The following MBP variants were observed in gnomAD, a reference collection of about 807,000 sequenced individuals.
MBP encodes the protein myelin basic protein, also known as Golli-MBP.
A neutral mutation model predicts 35.8 loss-of-function variants in MBP; 16 were observed. The observed-to-expected ratio is 0.45, with a 90% CI of 0.30 to 0.68. The LOEUF (loss-of-function observed/expected upper bound fraction) is 0.68, where lower values mean the gene tolerates loss of function less well. MBP is among the 30% of genes least tolerant of loss of function. MBP has a pLI of 0.08. For synonymous variants in MBP, 143 were observed against 159.6 expected, an observed-to-expected ratio of 0.90 and a Z score of 0.78; for missense variants, 380 against 404.7, an observed-to-expected ratio of 0.94 and a Z score of 0.52.
chr18:77,062,709 G>A (rs556075903), intron 3 of MBP, among the ~76,000 whole-genome samples: 2 of 152,288 alleles, frequency 1.3e-5, no homozygotes, highest in East Asian at 3.9e-4. Flanking sequence ...TTAGTTGTCT[G>A]TTTGTGGTTT....
In MBP at chr18:77,057,882, A is replaced by G. The variant is rs1312868496; in HGVS notation, c.139+8416T>C. ...CGCTCTGTTGCCCAGGCTGGAGTGC[A>G]GTGGTGCGATCTCGGCTCACTGCAA... On this transcript the variant is annotated intron_variant, in intron 3 of 8. Coordinates refer to ENST00000355994, the MANE Select transcript of MBP (RefSeq NM_001025101.2). 9.0e-4 allele frequency among the ~76,000 whole-genome samples: 9 copies of G among 10,032 alleles called. 2 individuals are homozygous for G. The South Asian group carries it at 0.039, about 44-fold the overall frequency. The allele number at this position is 10,032 out of a possible 152,430, so 6.6% of individuals were successfully genotyped here.
chr18:77,089,878 A>G (rs951289890), intron 2 of MBP, among the ~76,000 whole-genome samples: 1 of 152,184 alleles, frequency 6.6e-6, no homozygotes, highest in African/African-American at 2.4e-5. Flanking sequence ...CATGCATTCC[A>G]AAACCCAAGG....
intron 2 of MBP, among the ~76,000 whole-genome samples, chr18:77,080,774 C>T (rs1599203396): frequency 6.6e-6 from 1 of 152,294 alleles, no homozygotes; most frequent in Non-Finnish European, 1.5e-5. Flanking sequence ...ACCTCTGCCT[C>T]CTGGGTTCGA....
chr18:76,982,950 A>C (rs1169446293), intron 8 of MBP: 1 of 152,260 alleles, frequency 6.6e-6, no homozygotes, highest in Non-Finnish European at 1.5e-5. Flanking sequence ...GAAAATACTG[A>C]ACTTATTTCA....
chr18:77,054,656 C>G (rs181438275), intron 3 of MBP, among the ~76,000 whole-genome samples: 10 of 152,364 alleles, frequency 6.6e-5, no homozygotes, highest in Admixed American at 5.2e-4. Context: ...GCCATCAGTG[C>G]TCTCAGCAAA....
At chr18:77,120,433 C>T (rs574154923) in intron 1 of MBP, among the ~76,000 whole-genome samples, 4 of 152,290 alleles carry the variant, frequency 2.6e-5, no homozygotes, top group South Asian at 4.1e-4. Context: ...AAGACCTCAG[C>T]GTGGGGTGTT....
At position 77,101,550 on chromosome 18, in the gene MBP, T is replaced by A. The variant is rs1976009604; in HGVS notation, c.51+3661A>T. ...GCGGAGTGCTTCTGCCTGAATCTGA[T>A]GTCTCCTGTTCTGACCCTCAACTGG... is the stretch of plus-strand genomic sequence containing the variant. On this transcript the variant is annotated intron_variant, in intron 2 of 8. Coordinates refer to ENST00000355994, the MANE Select transcript of MBP (RefSeq NM_001025101.2). This position sits in a 1 kb window ranked among gnomAD's most constrained non-coding sequence, Gnocchi z 4.3. Among the ~76,000 whole-genome samples, 2 of 150,364 alleles carry A rather than the reference T, an allele frequency of 1.3e-5. No individual in the cohort carries two copies. Among genetic ancestry groups the A allele is most frequent in the Admixed American group, 1.3e-4 (2 of 14,936 alleles).
In MBP at chr18:77,024,194, T is replaced by C. The variant is rs115458981; in HGVS notation, c.140-6926A>G. Among the ~76,000 whole-genome samples, 1,125 of 152,372 alleles carry C rather than the reference T, an allele frequency of 7.4e-3. 12 individuals are homozygous for C. Among genetic ancestry groups the C allele is most frequent in the African/African-American group, 0.025 (1,020 of 41,590 alleles). ...GGCCGCATGCAGCCCAGGATGCCTT[T>C]GAACGCAGCCCAATACAAATTCATA... On this transcript the variant is annotated intron_variant, in intron 3 of 8. Transcript: ENST00000355994.
rs1272826002 is a variant in MBP at position 77,057,923 on chromosome 18, T to TTCA, written c.139+8372_139+8374dup. Among the ~76,000 whole-genome samples, 11 of 16,642 alleles carry TTCA rather than the reference T, an allele frequency of 6.6e-4. 2 individuals carry two copies. Among genetic ancestry groups the TTCA allele is most frequent in the Non-Finnish European group, 1.0e-3 (11 of 10,914 alleles). 10.9% of individuals were successfully genotyped at this position (16,642 alleles called of 152,430 possible). A position where few individuals can be genotyped will look rare whatever the true frequency, so the allele number is the denominator to read the frequency against. ...CTCACTGCAAGCTCCGCCTCCCGGG[T>TTCA]TCACGCCATTCTCCTGCCTCAGCCT... On this transcript the variant is annotated intron_variant, in intron 3 of 8. Transcript: ENST00000355994.
chr18:76,995,743 A>G (rs1459028039), intron 4 of MBP, among the ~76,000 whole-genome samples: 1 of 152,220 alleles, frequency 6.6e-6, no homozygotes, highest in Non-Finnish European at 1.5e-5. Flanking sequence ...TTTTAGAAGC[A>G]GCCATAGGAG....
At chr18:77,028,927 C>T (rs1242633130) in intron 3 of MBP, among the ~76,000 whole-genome samples, 6 of 90,824 alleles carry the variant, frequency 6.6e-5, no homozygotes, top group South Asian at 4.1e-4. Context: ...CCTCACTTTC[C>T]AGACTGGGCA....
At chr18:77,018,463 C>T (rs1020541325) in intron 3 of MBP, among the ~76,000 whole-genome samples, 5 of 130,924 alleles carry the variant, frequency 3.8e-5, no homozygotes, top group Non-Finnish European at 7.8e-5. Context: ...TTCATCCATT[C>T]GTCATCCATC....
At chr18:76,986,985 TG>T (rs1419287030) in intron 7 of MBP, 2 of 985,308 alleles carry the variant, frequency 2.0e-6, no homozygotes, top group Non-Finnish European at 2.4e-6. Context: ...CCTGCGGCTC[TG>T]GGAAACAGAC....
intron 4 of MBP, chr18:77,016,299 A>G: frequency 1.0e-6 from 1 of 986,756 alleles, no homozygotes; most frequent in Non-Finnish European, 1.2e-6. Flanking sequence ...TCCACTTCTC[A>G]GACCACAGAG....
At chr18:77,070,920 TAG>T (rs1974417157) in intron 2 of MBP, among the ~76,000 whole-genome samples, 1 of 152,234 alleles carries the variant, frequency 6.6e-6, no homozygotes, top group South Asian at 2.1e-4. Context: ...TGTTCCCGCG[TAG>T]CTGGAGTGTC....
At chr18:77,069,267 A>G (rs1974333384) in intron 2 of MBP, among the ~76,000 whole-genome samples, 1 of 152,210 alleles carries the variant, frequency 6.6e-6, no homozygotes, top group Non-Finnish European at 1.5e-5. Context: ...TACACTTTTC[A>G]TATCTATCCA....
chr18:77,009,830 G>A (rs775957876), intron 4 of MBP: 2 of 1,558,096 alleles, frequency 1.3e-6, no homozygotes, highest in Non-Finnish European at 8.7e-7. Flanking sequence ...CGATGGGTGA[G>A]GACCCGCCGG....
At chr18:77,064,411 C>T (rs1288400662) in intron 3 of MBP, among the ~76,000 whole-genome samples, 2 of 152,146 alleles carry the variant, frequency 1.3e-5, no homozygotes, top group Non-Finnish European at 2.9e-5. Context: ...AAGAAAATTC[C>T]TATAAAGAGC....
At chr18:77,099,656 G>A (rs568125961) in intron 2 of MBP, among the ~76,000 whole-genome samples, 4 of 152,322 alleles carry the variant, frequency 2.6e-5, no homozygotes, top group East Asian at 1.9e-4. Flanking sequence ...GGGCAGGCCC[G>A]GCCCAGCTCT....
Sources: allele counts gnomAD v4.1 joint callset (sites outside exome capture counted in the v4.1 genomes callset), GRCh38; gene constraint gnomAD v4.1.1; non-coding constraint Gnocchi (gnomAD v3.1); transcripts MANE v1.5; gene names NCBI Gene and HGNC (gene_info 2026-07-23, HGNC 2026-07-21).